CRAMP1: variants seen among roughly 807,000 people sequenced by gnomAD.
The protein encoded by CRAMP1 is cramped chromatin regulator 1.
In CRAMP1, 50 loss-of-function variants were observed where a neutral mutation model predicts 115.4. The observed-to-expected ratio is 0.43, with a 90% CI of 0.35 to 0.55. CRAMP1 has a LOEUF of 0.55. CRAMP1 is among the 20% of genes least tolerant of loss of function. The pLI is 0.01. For synonymous variants in CRAMP1, 866 were observed against 745.4 expected (o/e 1.16, Z -2.64); for missense variants, 1,679 against 1,721.7 (o/e 0.98, Z 0.44).
intron 3 of CRAMP1, among the ~76,000 whole-genome samples, chr16:1,629,272 C>A (rs985638218): frequency 6.6e-6 from 1 of 152,240 alleles, no homozygotes; most frequent in African/African-American, 2.4e-5. Flanking sequence ...CACCTAGGCC[C>A]TCCCTGTCTC....
Position 1,677,231 on chromosome 16 carries a change from T to C in CRAMP1, c.*3186T>C, listed in dbSNP as rs1217311513. 2 of 152,060 alleles carry C rather than the reference T, an allele frequency of 1.3e-5. No homozygotes were observed. The highest frequency in any genetic ancestry group is 2.9e-5 in the Non-Finnish European group (2 of 67,932). 9.4% of individuals were successfully genotyped at this position (152,060 alleles called of 1,614,324 possible). ...GCCGAGGCGGGCGGATCACCTGAGG[T>C]GGGGAGTATGAGACCACCCTGACTA... On this transcript the variant is annotated 3_prime_UTR_variant, in exon 21 of 21. Transcript: ENST00000397412.
chr16:1,639,844 T>A (rs1431303524), intron 5 of CRAMP1, among the ~76,000 whole-genome samples: 1 of 152,198 alleles, frequency 6.6e-6, no homozygotes, highest in Non-Finnish European at 1.5e-5. Flanking sequence ...TTTGATTTAG[T>A]TCTAGGAAGT....
chr16:1,626,550 G>A (rs143795202), intron 3 of CRAMP1, among the ~76,000 whole-genome samples: 2 of 152,150 alleles, frequency 1.3e-5, no homozygotes, highest in African/African-American at 4.8e-5. Flanking sequence ...GGCACAAGGC[G>A]GTGCTTGTCT....
At chr16:1,647,569 C>T (rs1354829491) in intron 6 of CRAMP1, among the ~76,000 whole-genome samples, 2 of 151,758 alleles carry the variant, frequency 1.3e-5, no homozygotes, top group Non-Finnish European at 2.9e-5. Context: ...GGTGAAATCC[C>T]GTCTGTATTA....
intron 3 of CRAMP1, among the ~76,000 whole-genome samples, chr16:1,628,287 C>G (rs1356180383): frequency 1.3e-5 from 2 of 152,188 alleles, no homozygotes; most frequent in African/African-American, 4.8e-5. Flanking sequence ...GAGTTTCGCT[C>G]TTGTTGCTCA....
At position 1,674,805 on chromosome 16, in the gene CRAMP1, A is replaced by C. The variant is rs1042149929; in HGVS notation, c.*760A>C. On this transcript the variant is annotated 3_prime_UTR_variant, in exon 21 of 21. Coordinates refer to ENST00000397412, the MANE Select transcript of CRAMP1 (RefSeq NM_020825.4). The stretch of plus-strand genomic sequence containing the variant: ...AATTAGGAGACATGGAAGAGGAAGA[A>C]CAAAGTCCCCTCTGTAGTTGGTTTC... 6.6e-5 allele frequency: 10 copies of C among 152,220 alleles called. No individual in the cohort carries two copies. Among genetic ancestry groups the C allele is most frequent in the African/African-American group, 2.2e-4 (9 of 41,420 alleles). The allele number at this position is 152,220 out of a possible 1,614,324, so 9.4% of individuals were successfully genotyped here.
At chr16:1,635,552 T>C (rs1271139464) in intron 4 of CRAMP1, among the ~76,000 whole-genome samples, 3 of 152,232 alleles carry the variant, frequency 2.0e-5, no homozygotes, top group African/African-American at 7.2e-5. Context: ...CCCTGCTTCG[T>C]CCCAGGGTCC....
chr16:1,633,213 C>T (rs986140031), intron 4 of CRAMP1, among the ~76,000 whole-genome samples: 1 of 152,216 alleles, frequency 6.6e-6, no homozygotes, highest in African/African-American at 2.4e-5. Context: ...CTGTGGTGTC[C>T]TCTGGGTGGG....
intron 2 of CRAMP1, among the ~76,000 whole-genome samples, chr16:1,615,833 T>C (rs916835019): frequency 3.9e-5 from 6 of 152,236 alleles, no homozygotes; most frequent in Non-Finnish European, 8.8e-5. Flanking sequence ...ATAGCAAATA[T>C]AACATCAGCT....
intron 4 of CRAMP1, among the ~76,000 whole-genome samples, chr16:1,635,148 T>C (rs1439063681): frequency 2.0e-5 from 3 of 152,146 alleles, no homozygotes; most frequent in Non-Finnish European, 4.4e-5. Flanking sequence ...TCCACCTGCC[T>C]CGGCCTCCCA....
In CRAMP1 at chr16:1,614,638, G is replaced by A; in HGVS notation, c.-1-1G>A. ...GGCCGCCTCCCCTCTCCCGGCCGCA[G>A]GATGACAGTGAAGTTGGGCGACGGC... is the stretch of plus-strand genomic sequence containing the variant. On this transcript the variant is annotated splice_acceptor_variant, in intron 1 of 20. Transcript: ENST00000397412. LOFTEE classifies it low-confidence loss of function (5UTR_SPLICE). This position sits in a 1 kb window ranked among gnomAD's most constrained non-coding sequence, Gnocchi z 4.4. The A allele has an allele frequency of 1.6e-6, 2 of 1,255,680 alleles. No homozygotes were observed. 77.8% of individuals were successfully genotyped at this position (1,255,680 alleles called of 1,614,324 possible).
intron 3 of CRAMP1, among the ~76,000 whole-genome samples, chr16:1,626,783 A>G (rs569767708): frequency 6.6e-6 from 1 of 152,278 alleles, no homozygotes; most frequent in African/African-American, 2.4e-5. Context: ...ACGGTGTTTC[A>G]TAGCTCTTTT....
At chr16:1,625,949 A>G (rs769665869) in intron 2 of CRAMP1, 24 bp from the exon 3 acceptor site, 45 of 1,550,558 alleles carry the variant, frequency 2.9e-5, no homozygotes, top group South Asian at 4.8e-5. Context: ...GGAACAGATC[A>G]CTGTACGGTG....
rs902246428 is a variant in CRAMP1 at position 1,637,914 on chromosome 16, A to G, written c.778+7A>G. 6.7e-7 allele frequency: 1 copy of G among 1,499,992 alleles called. No individual in the cohort carries two copies. Among genetic ancestry groups the G allele is most frequent in the Non-Finnish European group, 9.0e-7 (1 of 1,114,436 alleles). 92.9% of individuals were successfully genotyped at this position (1,499,992 alleles called of 1,614,324 possible). A position where few individuals can be genotyped will look rare whatever the true frequency, so the allele number is the denominator to read the frequency against. On this transcript the variant is annotated splice_region_variant and intron_variant, in intron 5 of 20. Coordinates refer to ENST00000397412, the MANE Select transcript of CRAMP1 (RefSeq NM_020825.4). ...CGCAAGAAGATTGGGGGCTGTGAGT[A>G]CGCTGACTGTGGGGTTGCCCACGGC... is the stretch of plus-strand genomic sequence containing the variant.
At chr16:1,646,674 A>G (rs906347035) in intron 6 of CRAMP1, among the ~76,000 whole-genome samples, 1 of 152,210 alleles carries the variant, frequency 6.6e-6, no homozygotes, top group Non-Finnish European at 1.5e-5. Context: ...GATGAAGTCA[A>G]GTCTGTCACT....
At position 1,666,678 on chromosome 16, in the gene CRAMP1, C is replaced by T. The variant is rs151187272; in HGVS notation, c.3036+78C>T. On this transcript the variant is annotated intron_variant, in intron 16 of 20. Transcript: ENST00000397412. The surrounding 1 kb of genome is among the most constrained non-coding windows in gnomAD (Gnocchi z 5.0). ...CGCCAAAGCCATGGGGCTGAGATCA[C>T]GCTGGACTCCAGCTCTGCCTTTGGA... 589 of 1,323,744 alleles carry T rather than the reference C, an allele frequency of 4.4e-4. 2 individuals carry two copies. Among genetic ancestry groups the T allele is most frequent in the African/African-American group, 4.3e-3 (301 of 69,324 alleles). The allele number at this position is 1,323,744 out of a possible 1,614,324, so 82.0% of individuals were successfully genotyped here. A position where few individuals can be genotyped will look rare whatever the true frequency, so the allele number is the denominator to read the frequency against.
chr16:1,635,980 G>A (rs556573797), intron 4 of CRAMP1, among the ~76,000 whole-genome samples: 1 of 152,194 alleles, frequency 6.6e-6, no homozygotes, highest in African/African-American at 2.4e-5. Context: ...CCAGTCCTTT[G>A]TATGGCTGGA....
intron 5 of CRAMP1, among the ~76,000 whole-genome samples, chr16:1,640,558 G>A (rs940246454): frequency 2.0e-5 from 3 of 152,180 alleles, no homozygotes; most frequent in African/African-American, 4.8e-5. Flanking sequence ...TCCCGTTAAC[G>A]TACTGTAGCT....
intron 2 of CRAMP1, among the ~76,000 whole-genome samples, chr16:1,617,276 T>A (rs2036428309): frequency 6.6e-6 from 1 of 152,216 alleles, no homozygotes; most frequent in Admixed American, 6.5e-5. Context: ...TGTCCGCTGC[T>A]CTCTGCTTTC....
Sources: gnomAD v4.1 joint callset for allele counts (sites outside exome capture counted in the v4.1 genomes callset) on GRCh38, gnomAD v4.1.1 for gene constraint, Gnocchi (gnomAD v3.1) non-coding constraint, MANE v1.5 for transcripts, NCBI Gene and HGNC (gene_info 2026-07-23, HGNC 2026-07-21) for gene names.